Variants in MKLN1 observed in about 807,000 individuals in gnomAD.
The protein encoded by MKLN1 is muskelin.
In MKLN1, 18 loss-of-function variants were observed where a neutral mutation model predicts 99.0. The observed-to-expected ratio is 0.18, with a 90% CI of 0.13 to 0.27. The LOEUF (loss-of-function observed/expected upper bound fraction) is 0.27. Among genes scored for constraint, MKLN1 ranks in the 10% least tolerant of loss-of-function variants. The pLI is 1.00. For missense variants in MKLN1, 621 were observed against 875.9 expected (o/e 0.71, Z 3.67); for synonymous variants, 288 against 293.2 (o/e 0.98, Z 0.18).
intron 1 of MKLN1, among the ~76,000 whole-genome samples, chr7:131,352,960 A>C (rs1799763407): frequency 1.3e-5 from 2 of 152,150 alleles, no homozygotes; most frequent in Non-Finnish European, 2.9e-5. Flanking sequence ...GCAAATACAA[A>C]CATCTACATG....
At chr7:131,143,093 A>G (rs1215072481) in intron 2 of MKLN1, among the ~76,000 whole-genome samples, 1 of 152,192 alleles carries the variant, frequency 6.6e-6, no homozygotes, top group Non-Finnish European at 1.5e-5. Context: ...CAATGTTTGA[A>G]TATGCTATGT....
In MKLN1 at chr7:131,452,669, G is replaced by C. The variant is rs28608488; in HGVS notation, c.1525+6766G>C. On this transcript the variant is annotated intron_variant, in intron 12 of 17. Coordinates refer to ENST00000352689, the MANE Select transcript of MKLN1 (RefSeq NM_013255.5). The stretch of plus-strand genomic sequence containing the variant: ...GGGTTCAAGCGATTCTCCTGCCTCA[G>C]CCTCCCGAATAGCTGGGATTACAGG... Among the ~76,000 whole-genome samples the C allele has an allele frequency of 1.2e-3, 179 of 147,580 alleles. 1 individual carries two copies. The highest frequency in any genetic ancestry group is 4.4e-3 in the African/African-American group (177 of 39,898).
At chr7:131,364,231 A>G (rs1485190117) in intron 1 of MKLN1, among the ~76,000 whole-genome samples, 2 of 152,126 alleles carry the variant, frequency 1.3e-5, no homozygotes, top group African/African-American at 4.8e-5. Flanking sequence ...ACATGTACTT[A>G]TCCTTTCAAA....
upstream of MKLN1, among the ~76,000 whole-genome samples, chr7:131,325,018 C>T (rs1798855690): frequency 3.3e-5 from 5 of 152,212 alleles, no homozygotes; most frequent in South Asian, 1.0e-3. Flanking sequence ...CAGGGATACA[C>T]GTTTGTAGTC....
At chr7:131,179,460 A>G (rs781073686) in intron 2 of MKLN1, among the ~76,000 whole-genome samples, 55 of 152,236 alleles carry the variant, frequency 3.6e-4, no homozygotes, top group Non-Finnish European at 7.5e-4. Context: ...TGAATGCAAA[A>G]TAAGTTATCA....
Position 131,247,382 on chromosome 7 carries a change from A to C in MKLN1, c.-179+44408A>C, listed in dbSNP as rs143995678. Among the ~76,000 whole-genome samples the C allele has an allele frequency of 6.8e-3, 1,030 of 151,684 alleles. 16 individuals carry two copies. Among genetic ancestry groups the C allele is most frequent in the African/African-American group, 0.023 (959 of 41,350 alleles). Reference sequence around the variant, plus strand: ...GCACACGCACCACCACGCCCAGCTAATTTTTGTATTTTTAGTAGAGATGGG... The same window carrying C: ...GCACACGCACCACCACGCCCAGCTACTTTTTGTATTTTTAGTAGAGATGGG... On this transcript the variant is annotated intron_variant, in intron 3 of 7. Coordinates refer to the MKLN1 transcript ENST00000416992.
chr7:131,298,317 G>GA (rs1287129151), intron 3 of MKLN1, among the ~76,000 whole-genome samples: 1 of 152,022 alleles, frequency 6.6e-6, no homozygotes, highest in Non-Finnish European at 1.5e-5. Context: ...ACTGAGATAT[G>GA]AAAAAAATTT....
intron 1 of MKLN1, among the ~76,000 whole-genome samples, chr7:131,374,846 ATGAT>A (rs1165701127): frequency 3.9e-5 from 6 of 152,014 alleles, no homozygotes; most frequent in Non-Finnish European, 7.4e-5. Context: ...ATGTAACAAT[ATGAT>A]TGCATGCAAT....
chr7:131,275,567 ATTTTTT>A (rs869119196), intron 3 of MKLN1, among the ~76,000 whole-genome samples: 14 of 5,608 alleles, frequency 2.5e-3, no homozygotes, highest in African/African-American at 4.8e-3. Context: ...ATATATATAT[ATTTTTT>A]TTTTTTTTTT....
intron 17 of MKLN1, among the ~76,000 whole-genome samples, chr7:131,480,388 C>A (rs1797089483): frequency 6.6e-6 from 1 of 151,982 alleles, no homozygotes; most frequent in Non-Finnish European, 1.5e-5. Context: ...AACTGTACCT[C>A]AAAGAAAAAA....
chr7:131,132,249 C>A (rs529757752), intron 1 of MKLN1, among the ~76,000 whole-genome samples: 1 of 152,292 alleles, frequency 6.6e-6, no homozygotes, highest in African/African-American at 2.4e-5. Flanking sequence ...CTCGTACAAT[C>A]TCAGGTGGCA....
In MKLN1 at chr7:131,463,347, C is replaced by T; in HGVS notation, c.1656C>T (p.Asp552=). The change falls in exon 13 of 18, where the codon GAC becomes GAT. Residue 552 remains aspartate (D), a synonymous_variant. Coordinates refer to ENST00000352689, the MANE Select transcript of MKLN1 (RefSeq NM_013255.5). ...ENVRNSFWIY[D]IVRNSWSCVY... is the part of the protein sequence containing the mutation. Reference sequence around the variant, plus strand: ...TTAGAAATTCATTCTGGATTTATGACATTGTGAGGAATAGTTGGTAAGGAA... The same window carrying T: ...TTAGAAATTCATTCTGGATTTATGATATTGTGAGGAATAGTTGGTAAGGAA... 1.2e-6 allele frequency: 2 copies of T among 1,611,680 alleles called. No homozygotes were observed. Among genetic ancestry groups the T allele is most frequent in the Non-Finnish European group, 1.7e-6 (2 of 1,179,110 alleles).
At chr7:131,404,459 T>C (rs936605191) in intron 6 of MKLN1, among the ~76,000 whole-genome samples, 1 of 152,050 alleles carries the variant, frequency 6.6e-6, no homozygotes, top group Admixed American at 6.6e-5. Context: ...GGACTATTGG[T>C]GCATGGTATC....
At chr7:131,194,844 G>A (rs1443275345) in intron 2 of MKLN1, among the ~76,000 whole-genome samples, 1 of 152,198 alleles carries the variant, frequency 6.6e-6, no homozygotes, top group Non-Finnish European at 1.5e-5. Flanking sequence ...GCATTCATTA[G>A]CTGAAATGCA....
chr7:131,386,262 T>A (rs1254733491), intron 2 of MKLN1, among the ~76,000 whole-genome samples: 1 of 152,120 alleles, frequency 6.6e-6, no homozygotes, highest in Non-Finnish European at 1.5e-5. Flanking sequence ...TCCGCCCACC[T>A]CGGCCTCCCA....
At chr7:131,342,568 CAAAA>C (rs1799439960) in intron 1 of MKLN1, among the ~76,000 whole-genome samples, 1 of 152,180 alleles carries the variant, frequency 6.6e-6, no homozygotes, top group Non-Finnish European at 1.5e-5. Context: ...TTTCCTTACA[CAAAA>C]GAAGACAGGT....
At chr7:131,434,877 C>T (rs1037121017) in intron 9 of MKLN1, among the ~76,000 whole-genome samples, 13 of 152,118 alleles carry the variant, frequency 8.5e-5, no homozygotes, top group South Asian at 2.1e-4. Context: ...TTTTTTAATG[C>T]CTTCCTTATT....
intron 1 of MKLN1, among the ~76,000 whole-genome samples, chr7:131,364,778 G>T (rs1034692060): frequency 2.0e-5 from 3 of 152,084 alleles, no homozygotes; most frequent in African/African-American, 7.3e-5. Flanking sequence ...TCCCACAAAA[G>T]AAATGATCTC....
At chr7:131,198,834 ATAT>A (rs1476251309) in intron 2 of MKLN1, among the ~76,000 whole-genome samples, 1 of 152,214 alleles carries the variant, frequency 6.6e-6, no homozygotes, top group East Asian at 1.9e-4. Context: ...CCTAAAAATA[ATAT>A]TATCATCATA....
Sources: allele counts gnomAD v4.1 joint callset (sites outside exome capture counted in the v4.1 genomes callset), GRCh38; gene constraint gnomAD v4.1.1; transcripts MANE v1.5; gene names NCBI Gene and HGNC (gene_info 2026-07-23, HGNC 2026-07-21).